Variants in MYRIP observed in about 807,000 individuals in gnomAD.
MYRIP encodes rab effector MyRIP.
Under a neutral mutation model 98.0 loss-of-function variants are expected in MYRIP, and 49 were observed. The observed-to-expected ratio is 0.50, with a 90% CI of 0.40 to 0.63. MYRIP has a LOEUF of 0.63. MYRIP is among the 30% of genes least tolerant of loss of function. The pLI is 0.00. For synonymous variants in MYRIP, 404 were observed against 409.5 expected, an observed-to-expected ratio of 0.99 and a Z score of 0.16; for missense variants, 1,004 against 1,058.2, an observed-to-expected ratio of 0.95 and a Z score of 0.71.
rs905577215 is a variant in MYRIP, at chr3:39,972,682, A to G, written c.111-71368A>G. On this transcript the variant is annotated intron_variant, in intron 2 of 16. Coordinates refer to ENST00000302541, the MANE Select transcript of MYRIP (RefSeq NM_015460.4). ...TGCTTCGGCAGATTAAAACGGTAACACATGGGAAGCTCACACAGATGGACT... is the reference window on the plus strand; with the variant it reads ...TGCTTCGGCAGATTAAAACGGTAACGCATGGGAAGCTCACACAGATGGACT... Among the ~76,000 whole-genome samples the G allele has an allele frequency of 2.0e-5, 3 of 152,204 alleles. No homozygotes were observed. In the East Asian group the frequency reaches 5.8e-4, roughly 29 times the overall value.
At chr3:39,809,460 C>A (rs1190969330), upstream of MYRIP, 8 of 147,510 alleles carry the variant, frequency 5.4e-5, 1 homozygote, top group South Asian at 1.5e-3. Context: ...CGGCGGGCAC[C>A]CCCTGCCCCG....
At chr3:40,158,188 A>T (rs1950288972) in intron 4 of MYRIP, among the ~76,000 whole-genome samples, 1 of 151,280 alleles carries the variant, frequency 6.6e-6, no homozygotes, top group Non-Finnish European at 1.5e-5. Flanking sequence ...AGATTCCGGT[A>T]TGTTGTGTCT....
chr3:40,072,649 A>G (rs908696220), intron 3 of MYRIP, among the ~76,000 whole-genome samples: 1 of 152,172 alleles, frequency 6.6e-6, no homozygotes, highest in African/African-American at 2.4e-5. Context: ...GTTATTTAGC[A>G]GTGTGTTTTT....
At chr3:40,023,269 T>C (rs1374894960) in intron 2 of MYRIP, among the ~76,000 whole-genome samples, 1 of 152,204 alleles carries the variant, frequency 6.6e-6, no homozygotes, top group Non-Finnish European at 1.5e-5. Flanking sequence ...TGACTTCAGC[T>C]CTCTGATGTG....
chr3:39,975,319 A>G (rs1296952666), intron 2 of MYRIP, among the ~76,000 whole-genome samples: 1 of 152,170 alleles, frequency 6.6e-6, no homozygotes, highest in African/African-American at 2.4e-5. Flanking sequence ...AGAATAAAAT[A>G]CCTAGGAATC....
intron 1 of MYRIP, among the ~76,000 whole-genome samples, chr3:39,891,990 A>G (rs1943500715): frequency 6.6e-6 from 1 of 151,848 alleles, no homozygotes; most frequent in Non-Finnish European, 1.5e-5. Context: ...TCAAATTTTT[A>G]TATAGACAAA....
At chr3:39,812,166 A>G (rs530093139) in intron 1 of MYRIP, among the ~76,000 whole-genome samples, 3 of 152,318 alleles carry the variant, frequency 2.0e-5, no homozygotes, top group East Asian at 1.9e-4. Flanking sequence ...ATTAAGACCC[A>G]GAATATTTCC....
At chr3:39,973,001 ATG>A in intron 2 of MYRIP, among the ~76,000 whole-genome samples, 1 of 152,140 alleles carries the variant, frequency 6.6e-6, no homozygotes, top group South Asian at 2.1e-4. Flanking sequence ...TAAATAGAGA[ATG>A]TATATATGTG....
intron 1 of MYRIP, among the ~76,000 whole-genome samples, chr3:39,890,417 T>A (rs183936680): frequency 4.7e-4 from 72 of 152,206 alleles, no homozygotes; most frequent in Admixed American, 1.8e-3. Flanking sequence ...TTTCATTTTT[T>A]AAAAAATATT....
At chr3:40,038,919 C>T (rs1947444093) in intron 2 of MYRIP, among the ~76,000 whole-genome samples, 3 of 152,014 alleles carry the variant, frequency 2.0e-5, no homozygotes, top group Non-Finnish European at 4.4e-5. Context: ...CCATGAAGGG[C>T]CCTGGAACAA....
At chr3:39,959,545 G>T (rs1234277015) in intron 2 of MYRIP, among the ~76,000 whole-genome samples, 1 of 152,006 alleles carries the variant, frequency 6.6e-6, no homozygotes, top group Non-Finnish European at 1.5e-5. Flanking sequence ...AGCAGGGAGG[G>T]ATGGCATTAG....
chr3:40,218,975 C>A (rs992392519), intron 11 of MYRIP, among the ~76,000 whole-genome samples: 3 of 151,968 alleles, frequency 2.0e-5, no homozygotes, highest in African/African-American at 7.3e-5. Context: ...GTGGTGCTAA[C>A]ACTGGAATAA....
At chr3:39,838,472 G>T (rs184847810) in intron 1 of MYRIP, among the ~76,000 whole-genome samples, 1 of 152,152 alleles carries the variant, frequency 6.6e-6, no homozygotes, top group African/African-American at 2.4e-5. Flanking sequence ...ATAATCATGT[G>T]GTTCTTGTCA....
intron 2 of MYRIP, among the ~76,000 whole-genome samples, chr3:39,958,117 T>C (rs1575413633): frequency 3.3e-5 from 5 of 152,316 alleles, no homozygotes; most frequent in Middle Eastern, 3.4e-3. Flanking sequence ...AGGTAATTTA[T>C]AGATTCAATG....
intron 8 of MYRIP, among the ~76,000 whole-genome samples, chr3:40,179,073 G>T (rs1950830334): frequency 6.6e-6 from 1 of 152,202 alleles, no homozygotes; most frequent in Non-Finnish European, 1.5e-5. Flanking sequence ...AGCGTTATAA[G>T]CCAGTATAAT....
At chr3:39,889,196 T>C (rs1254817137) in intron 1 of MYRIP, among the ~76,000 whole-genome samples, 1 of 152,130 alleles carries the variant, frequency 6.6e-6, no homozygotes, top group Non-Finnish European at 1.5e-5. Context: ...CCTAAAGGAG[T>C]ATAAATAATG....
chr3:40,104,483 C>T (rs1949015882), intron 3 of MYRIP, among the ~76,000 whole-genome samples: 1 of 152,176 alleles, frequency 6.6e-6, no homozygotes, highest in African/African-American at 2.4e-5. Context: ...AATATCGTAA[C>T]AGGCACACTT....
chr3:39,976,236 A>G (rs1945747430), intron 2 of MYRIP, among the ~76,000 whole-genome samples: 1 of 152,232 alleles, frequency 6.6e-6, no homozygotes, highest in African/African-American at 2.4e-5. Context: ...TGGGTGAAGG[A>G]TATGAACAGA....
chr3:39,889,086 G>C (rs1187898204), intron 1 of MYRIP, among the ~76,000 whole-genome samples: 3 of 151,992 alleles, frequency 2.0e-5, no homozygotes, highest in Admixed American at 6.6e-5. Context: ...TGGTGGGACT[G>C]TAAACTAGTT....
Sources: allele counts gnomAD v4.1 joint callset (sites outside exome capture counted in the v4.1 genomes callset), GRCh38; gene constraint gnomAD v4.1.1; transcripts MANE v1.5; gene names NCBI Gene and HGNC (gene_info 2026-07-23, HGNC 2026-07-21).